The following SPATA31F1 variants were observed in gnomAD, a reference collection of about 807,000 sequenced individuals.
SPATA31F1 encodes the protein SPATA31 subfamily F member 1.
chr9:34,723,136 G>A, the SPATA31F1 span: 1 of 1,402,832 alleles, frequency 7.1e-7, no homozygotes, highest in Non-Finnish European at 9.5e-7. Flanking sequence ...TCCTCTGGAG[G>A]GCTGCAGCAG....
At chr9:34,724,228 C>T in the SPATA31F1 span, 2 of 1,551,382 alleles carry the variant, frequency 1.3e-6, no homozygotes, top group African/African-American at 1.4e-5. Flanking sequence ...GCATGTGGGC[C>T]TCTGTCATGT....
At chr9:34,723,785 G>T in the SPATA31F1 span, 1 of 1,551,592 alleles carries the variant, frequency 6.4e-7, no homozygotes, top group African/African-American at 1.4e-5. Flanking sequence ...AGGAATTGTC[G>T]CTGGTTCAAG....
chr9:34,723,288 A>G, the SPATA31F1 span: 1 of 1,551,742 alleles, frequency 6.4e-7, no homozygotes, highest in Non-Finnish European at 8.7e-7. Context: ...TGACGAGGGC[A>G]GTGGCGGGGG....
chr9:34,729,404 C>A, the SPATA31F1 span: 1 of 1,550,792 alleles, frequency 6.4e-7, no homozygotes, highest in East Asian at 2.4e-5. Context: ...CAACTTCCCA[C>A]AGAACAAAAG....
the SPATA31F1 span, chr9:34,728,144 G>T: frequency 6.8e-7 from 1 of 1,463,142 alleles, no homozygotes; most frequent in Non-Finnish European, 9.3e-7. Context: ...CCTATAGGAA[G>T]CTGAATAGTA....
the SPATA31F1 span, chr9:34,724,509 T>G: frequency 3.2e-6 from 5 of 1,551,664 alleles, no homozygotes; most frequent in Non-Finnish European, 3.5e-6. Flanking sequence ...CTGGACTTCC[T>G]TGCCCTAATG....
chr9:34,726,376 A>C, the SPATA31F1 span: 1 of 1,547,786 alleles, frequency 6.5e-7, no homozygotes, highest in South Asian at 1.2e-5. Flanking sequence ...GCACTTCAGG[A>C]CTGAGAAATG....
chr9:34,723,583 C>T, the SPATA31F1 span: 2 of 1,551,756 alleles, frequency 1.3e-6, no homozygotes, highest in Non-Finnish European at 1.7e-6. Context: ...TAATATGCTG[C>T]AGAAAACATT....
At chr9:34,729,180 G>T in the SPATA31F1 span, 1 of 1,332,070 alleles carries the variant, frequency 7.5e-7, no homozygotes, top group Non-Finnish European at 1.0e-6. Flanking sequence ...GTAACTGAAA[G>T]TATGCTATAA....
the SPATA31F1 span, chr9:34,728,591 G>A: frequency 1.3e-6 from 2 of 1,549,572 alleles, no homozygotes; most frequent in East Asian, 4.9e-5. Context: ...GGAGTCAGAG[G>A]AGAGATTGGG....
chr9:34,728,056 C>T, the SPATA31F1 span: 1 of 1,551,978 alleles, frequency 6.4e-7, no homozygotes. Flanking sequence ...TGTGGCTTCT[C>T]AGCTTCTTCC....
chr9:34,729,480 G>A, the SPATA31F1 span: 1 of 1,509,060 alleles, frequency 6.6e-7, no homozygotes, highest in African/African-American at 1.4e-5. Flanking sequence ...CGGAATTCAG[G>A]GTTCTGGTGC....
At chr9:34,725,713 G>C in the SPATA31F1 span, 2 of 1,545,358 alleles carry the variant, frequency 1.3e-6, no homozygotes, top group East Asian at 4.9e-5. Flanking sequence ...ATGGGACATT[G>C]ATCTGAGCTC....
At chr9:34,726,492 C>T in the SPATA31F1 span, 1 of 1,551,660 alleles carries the variant, frequency 6.4e-7, no homozygotes, top group Non-Finnish European at 8.7e-7. Context: ...TGATGCTGGC[C>T]TTGGTTTCCC....
the SPATA31F1 span, chr9:34,725,059 T>TG: frequency 6.4e-7 from 1 of 1,551,906 alleles, no homozygotes; most frequent in Non-Finnish European, 8.7e-7. Flanking sequence ...CCGGGTCACT[T>TG]GCTGTCTGCA....
At chr9:34,726,501 C>T in the SPATA31F1 span, 4 of 1,551,632 alleles carry the variant, frequency 2.6e-6, no homozygotes, top group Non-Finnish European at 3.5e-6. Flanking sequence ...CCTTGGTTTC[C>T]CTGGACAAGG....
the SPATA31F1 span, chr9:34,723,537 T>C: frequency 6.4e-7 from 1 of 1,551,796 alleles, no homozygotes; most frequent in Non-Finnish European, 8.7e-7. Context: ...GCTGAGAACA[T>C]GGAGTCCTCA....
chr9:34,723,252 T>G, the SPATA31F1 span: 3 of 1,551,628 alleles, frequency 1.9e-6, no homozygotes, highest in South Asian at 1.2e-5. Flanking sequence ...TGCCCTGGTT[T>G]GTTGGCACAA....
the SPATA31F1 span, chr9:34,726,408 T>A: frequency 1.9e-6 from 3 of 1,548,860 alleles, no homozygotes; most frequent in Non-Finnish European, 2.6e-6. Context: ...GGGAGGACCA[T>A]ATGCAAGGCC....
Sources: allele counts gnomAD v4.1 joint callset, GRCh38; gene constraint gnomAD v4.1.1; transcripts MANE v1.5; gene names NCBI Gene and HGNC (gene_info 2026-07-23, HGNC 2026-07-21).